Variants in ZFR2 observed in about 807,000 individuals in gnomAD.
The protein encoded by ZFR2 is zinc finger RNA binding protein 2.
Under a neutral mutation model 105.7 loss-of-function variants are expected in ZFR2, and 104 were observed. The observed-to-expected ratio is 0.98, with a 90% CI of 0.84 to 1.16. The LOEUF is 1.16. Among genes scored for constraint, ZFR2 ranks in the 50% most tolerant of loss-of-function variants. ZFR2 has a pLI of 0.00. For missense variants in ZFR2, 1,425 were observed against 1,355.5 expected, an observed-to-expected ratio of 1.05 and a Z score of -0.80; for synonymous variants, 634 against 597.7, an observed-to-expected ratio of 1.06 and a Z score of -0.89.
intron 1 of ZFR2, among the ~76,000 whole-genome samples, chr19:3,835,894 A>G (rs541770418): frequency 9.4e-4 from 136 of 145,308 alleles, no homozygotes; most frequent in Non-Finnish European, 1.5e-3. Context: ...TAGAGGCTGC[A>G]GTGAGCTATG....
chr19:3,830,420 A>G (rs2037999078), intron 5 of ZFR2, among the ~76,000 whole-genome samples: 2 of 152,326 alleles, frequency 1.3e-5, no homozygotes, highest in South Asian at 2.1e-4. Context: ...TGAGCAACAG[A>G]GCGAGACTTT....
intron 1 of ZFR2, among the ~76,000 whole-genome samples, chr19:3,867,192 C>T (rs1179328488): frequency 6.6e-6 from 1 of 151,974 alleles, no homozygotes; most frequent in Non-Finnish European, 1.5e-5. Context: ...ATGAGGTGCC[C>T]AAGGGGTGGT....
rs367940649 is a variant in ZFR2 at position 3,813,862 on chromosome 19, C to A, written c.2200G>T (p.Val734Phe). 2 of 1,613,876 alleles carry A rather than the reference C, an allele frequency of 1.2e-6. No homozygotes were observed. Among genetic ancestry groups the A allele is most frequent in the East Asian group, 4.5e-5 (2 of 44,882 alleles). The change falls in exon 14 of 19, where the codon GTC (valine) becomes TTC (phenylalanine). Residue 734 changes from valine (V) to phenylalanine (F), a missense_variant. Val to Phe is a conservative substitution (Grantham distance 50). Transcript: ENST00000262961. This position sits in a 1 kb window ranked among gnomAD's most constrained non-coding sequence, Gnocchi z 4.4. ...TCCTCCCGCATCAGAGGTGAGGTGACAGATATGGTGACCTGCATCCTGGGC... is the reference window on the plus strand; with the variant it reads ...TCCTCCCGCATCAGAGGTGAGGTGAAAGATATGGTGACCTGCATCCTGGGC... ...EEPRMQVTIS[V>F]TSPLMREDPS...
chr19:3,850,223 G>A (rs2038223803), intron 1 of ZFR2, among the ~76,000 whole-genome samples: 1 of 152,158 alleles, frequency 6.6e-6, no homozygotes. Context: ...AAGCCCCGGG[G>A]AAGGGTGCCT....
chr19:3,822,552 TA>T (rs898964745), intron 8 of ZFR2, among the ~76,000 whole-genome samples: 1 of 151,232 alleles, frequency 6.6e-6, no homozygotes, highest in African/African-American at 2.4e-5. Context: ...ACAAAAAAAA[TA>T]AAAAATACAA....
At chr19:3,815,944 A>G (rs1036351045) in intron 13 of ZFR2, among the ~76,000 whole-genome samples, 1 of 150,794 alleles carries the variant, frequency 6.6e-6, no homozygotes, top group Non-Finnish European at 1.5e-5. Context: ...TTTAGTAGAG[A>G]CGGGGTTTCA....
At chr19:3,821,116 G>A (rs1442755090) in intron 10 of ZFR2, among the ~76,000 whole-genome samples, 1 of 152,114 alleles carries the variant, frequency 6.6e-6, no homozygotes, top group Non-Finnish European at 1.5e-5. Context: ...AGGCCCTGGA[G>A]CCCACGTGTC....
In ZFR2 at chr19:3,820,264, T is replaced by C. The variant is rs372087653; in HGVS notation, c.1658A>G (p.Asp553Gly). The C allele has an allele frequency of 2.0e-5, 31 of 1,546,958 alleles. No homozygotes were observed. In the African/African-American group the frequency reaches 4.1e-4, roughly 21 times the overall value. Residue 553 changes from aspartate to glycine, a missense_variant, in exon 11 of 19, where the codon GAC becomes GGC. Physicochemically the swap from Asp to Gly is moderately conservative, Grantham distance 94. Transcript: ENST00000262961. Reference sequence around the variant, plus strand: ...GTCGGGCGGCGCGTGGGGCGGCACGTCCTGGGGTGGCTCCTCCTCCAGCCG... The same window carrying C: ...GTCGGGCGGCGCGTGGGGCGGCACGCCCTGGGGTGGCTCCTCCTCCAGCCG... Reference protein sequence around the residue: ...RRRLEEEPPQDVPPHAPPDWA... With the variant: ...RRRLEEEPPQGVPPHAPPDWA...
Position 3,813,811 on chromosome 19 carries a change from G to A in ZFR2, c.2242+9C>T. ...GGGACAGTGGTTGGAAGGAAGGGCT[G>A]GGCCGCACCTGGGTCTGTGGAGGGG... On this transcript the variant is annotated intron_variant, in intron 14 of 18. Coordinates refer to ENST00000262961, the MANE Select transcript of ZFR2 (RefSeq NM_015174.2). The surrounding 1 kb of genome is among the most constrained non-coding windows in gnomAD (Gnocchi z 4.4). 6.2e-7 allele frequency: 1 copy of A among 1,613,542 alleles called. No homozygotes were observed. Among genetic ancestry groups the A allele is most frequent in the Non-Finnish European group, 8.5e-7 (1 of 1,179,758 alleles).
intron 1 of ZFR2, chr19:3,857,081 CT>C (rs57226127): frequency 0.15 from 9,482 of 64,118 alleles, 197 homozygotes; most frequent in African/African-American, 0.26. Context: ...GTGAAATCTT[CT>C]TTTTTTTTTT....
At chr19:3,814,473 C>T (rs1184010700) in intron 13 of ZFR2, among the ~76,000 whole-genome samples, 2 of 152,200 alleles carry the variant, frequency 1.3e-5, no homozygotes, top group Non-Finnish European at 2.9e-5. Context: ...CCTGTGCTCA[C>T]ACCTGAGCCT....
intron 5 of ZFR2, among the ~76,000 whole-genome samples, chr19:3,830,176 C>T: frequency 6.6e-6 from 1 of 151,932 alleles, no homozygotes; most frequent in East Asian, 1.9e-4. Context: ...TGGTGGTGTG[C>T]ACCTGTAATC....
chr19:3,846,266 T>C (rs2038183843), intron 1 of ZFR2, among the ~76,000 whole-genome samples: 1 of 152,236 alleles, frequency 6.6e-6, no homozygotes, highest in African/African-American at 2.4e-5. Flanking sequence ...CGTGAGCCAC[T>C]GCACCTGGCC....
At chr19:3,822,243 G>A in intron 8 of ZFR2, 43 bp from the exon 9 acceptor site, 1 of 1,546,266 alleles carries the variant, frequency 6.5e-7, no homozygotes, top group East Asian at 2.4e-5. Flanking sequence ...CACGAGGCGG[G>A]GTGGGATGTG....
chr19:3,814,096 C>A, intron 13 of ZFR2, 138 bp from the exon 14 acceptor site: 1 of 1,326,598 alleles, frequency 7.5e-7, no homozygotes, highest in Non-Finnish European at 1.0e-6. Context: ...GGGCCCTGTG[C>A]CCTGTGTCTG....
chr19:3,807,216 GCT>G lies in ZFR2; in HGVS notation c.2597_2598del (p.Glu866AlafsTer113). Reference sequence around the variant, plus strand: ...TCTTCCCGCTCTTGGAGGGTCATGGGCTCGAGGGCATCTGTCTGGTCTCTCTC... The same window carrying G: ...TCTTCCCGCTCTTGGAGGGTCATGGGCGAGGGCATCTGTCTGGTCTCTCTC... ...PCERDQTDAL[E>X]PMTLQEREDV... is the part of the protein sequence containing the mutation. On this transcript the variant is annotated frameshift_variant, in exon 18 of 19. Coordinates refer to ENST00000262961, the MANE Select transcript of ZFR2 (RefSeq NM_015174.2). LOFTEE classifies it low-confidence loss of function (END_TRUNC). 1 of 1,560,556 alleles carries G rather than the reference GCT, an allele frequency of 6.4e-7. No homozygotes were observed. The highest frequency in any genetic ancestry group is 8.7e-7 in the Non-Finnish European group (1 of 1,151,664).
chr19:3,811,109 T>C (rs2037758830), intron 15 of ZFR2, among the ~76,000 whole-genome samples, 163 bp downstream of exon 15: 1 of 152,162 alleles, frequency 6.6e-6, no homozygotes, highest in Non-Finnish European at 1.5e-5. Flanking sequence ...GGAGCCAGCG[T>C]TGGTTGTCAA....
chr19:3,812,167 C>T (rs1395666035), intron 14 of ZFR2, among the ~76,000 whole-genome samples: 1 of 152,138 alleles, frequency 6.6e-6, no homozygotes, highest in Non-Finnish European at 1.5e-5. Flanking sequence ...TGATCTCGAA[C>T]CCCTCACCTC....
intron 1 of ZFR2, among the ~76,000 whole-genome samples, chr19:3,840,616 A>G (rs2038125109): frequency 6.6e-6 from 1 of 152,082 alleles, no homozygotes; most frequent in Non-Finnish European, 1.5e-5. Flanking sequence ...TGTAGCCTCG[A>G]AACTCCCAGG....
Sources: gnomAD v4.1 joint callset for allele counts (sites outside exome capture counted in the v4.1 genomes callset) on GRCh38, gnomAD v4.1.1 for gene constraint, Gnocchi (gnomAD v3.1) non-coding constraint, MANE v1.5 for transcripts, NCBI Gene and HGNC (gene_info 2026-07-23, HGNC 2026-07-21) for gene names.